Variants in PTPRN2 observed in about 807,000 individuals in gnomAD.
PTPRN2 encodes protein tyrosine phosphatase receptor type N2.
PTPRN2 carries 74 observed loss-of-function variants against 118.8 expected under a neutral mutation model. That is an observed-to-expected ratio of 0.62 (90% CI 0.52 to 0.76). PTPRN2 has a LOEUF of 0.76. PTPRN2 is among the 30% of genes least tolerant of loss of function. PTPRN2 has a pLI of 0.00. For synonymous variants in PTPRN2, 641 were observed against 608.0 expected, an observed-to-expected ratio of 1.05 and a Z score of -0.80; for missense variants, 1,481 against 1,394.4, an observed-to-expected ratio of 1.06 and a Z score of -0.99.
chr7:157,774,960 A>T (rs1371489255), intron 12 of PTPRN2, among the ~76,000 whole-genome samples: 3 of 152,216 alleles, frequency 2.0e-5, no homozygotes, highest in Non-Finnish European at 2.9e-5. Context: ...AGAGTCTCTG[A>T]AAGTTCTTGA....
chr7:158,553,585 C>T (rs1333216788), intron 1 of PTPRN2, among the ~76,000 whole-genome samples: 8 of 151,850 alleles, frequency 5.3e-5, no homozygotes, highest in Non-Finnish European at 1.0e-4. Flanking sequence ...TACCACCCTC[C>T]TTGTCTACAC....
chr7:157,669,179 C>G (rs1425793641), intron 13 of PTPRN2, among the ~76,000 whole-genome samples: 1 of 152,208 alleles, frequency 6.6e-6, no homozygotes, highest in East Asian at 1.9e-4. Flanking sequence ...GCCACGCTCA[C>G]TTCTGGAGAG....
chr7:157,995,606 C>T (rs763966865), intron 11 of PTPRN2, among the ~76,000 whole-genome samples: 5 of 152,380 alleles, frequency 3.3e-5, no homozygotes, highest in Middle Eastern at 3.4e-3. Context: ...TAGGATGGGG[C>T]CTTTCAGCCC....
chr7:157,727,345 C>T (rs2150930966), intron 12 of PTPRN2, among the ~76,000 whole-genome samples: 1 of 152,340 alleles, frequency 6.6e-6, no homozygotes, highest in Admixed American at 6.5e-5. Flanking sequence ...GTCCTGAGGA[C>T]ATGTGCCCAG....
chr7:157,842,697 C>A (rs1808521612), intron 12 of PTPRN2, among the ~76,000 whole-genome samples: 1 of 152,140 alleles, frequency 6.6e-6, no homozygotes, highest in Non-Finnish European at 1.5e-5. Flanking sequence ...ACTTTCTCAT[C>A]TGGCCTCACA....
At chr7:158,471,956 C>T (rs1035860054) in intron 2 of PTPRN2, among the ~76,000 whole-genome samples, 1 of 152,106 alleles carries the variant, frequency 6.6e-6, no homozygotes, top group Non-Finnish European at 1.5e-5. Flanking sequence ...GCCCACCTGA[C>T]TCCAATCATG....
intron 11 of PTPRN2, among the ~76,000 whole-genome samples, chr7:157,911,590 G>C (rs1296503853): frequency 1.3e-5 from 2 of 152,062 alleles, no homozygotes; most frequent in Non-Finnish European, 2.9e-5. Context: ...AGATACCAAA[G>C]AATATTATAA....
rs559531024 is a variant in PTPRN2 at position 157,758,569 on chromosome 7, G to A, written c.1789-75632C>T. Among the ~76,000 whole-genome samples the A allele has an allele frequency of 3.9e-5, 6 of 152,342 alleles. No homozygotes were observed. In the South Asian group the frequency reaches 1.2e-3, roughly 32 times the overall value. ...CGAGGCAGGTGGCAGCTGCTGTGCT[G>A]GGAAGGCTGCGTGCGCGGGGCATCC... On this transcript the variant is annotated intron_variant, in intron 12 of 22. Transcript: ENST00000389418.
chr7:158,035,992 C>T (rs1343112450), intron 11 of PTPRN2, among the ~76,000 whole-genome samples: 1 of 152,178 alleles, frequency 6.6e-6, no homozygotes, highest in Non-Finnish European at 1.5e-5. Context: ...TAGCCTGAGA[C>T]TTACTGGCAG....
intron 1 of PTPRN2, among the ~76,000 whole-genome samples, chr7:158,560,946 G>A (rs1015158451): frequency 6.6e-6 from 1 of 152,174 alleles, no homozygotes; most frequent in Non-Finnish European, 1.5e-5. Context: ...ACTGGGCATC[G>A]GTTGATTAAT....
At chr7:158,549,799 G>A (rs566735656) in intron 1 of PTPRN2, among the ~76,000 whole-genome samples, 1 of 152,376 alleles carries the variant, frequency 6.6e-6, no homozygotes, top group South Asian at 2.1e-4. Flanking sequence ...TGTCCCCAGA[G>A]GGCTGGCAAC....
intron 11 of PTPRN2, among the ~76,000 whole-genome samples, chr7:157,925,690 C>T (rs575640751): frequency 6.6e-6 from 1 of 152,220 alleles, no homozygotes; most frequent in South Asian, 2.1e-4. Context: ...AAAATGCAGA[C>T]CCTGATGCAG....
intron 6 of PTPRN2, among the ~76,000 whole-genome samples, chr7:158,142,841 G>A (rs1474899276): frequency 3.9e-5 from 6 of 152,296 alleles, no homozygotes; most frequent in Non-Finnish European, 8.8e-5. Context: ...CAGGTCAACG[G>A]CACCCATGCC....
chr7:158,458,356 GC>G (rs753127725), intron 2 of PTPRN2, among the ~76,000 whole-genome samples: 4 of 152,098 alleles, frequency 2.6e-5, no homozygotes, highest in Non-Finnish European at 4.4e-5. Flanking sequence ...TCGGCCCCCA[GC>G]TCCCAAAGCT....
At chr7:157,541,791 T>C (rs981848609) in intron 22 of PTPRN2, among the ~76,000 whole-genome samples, 2 of 152,234 alleles carry the variant, frequency 1.3e-5, no homozygotes, top group African/African-American at 4.8e-5. Context: ...GAATGTTTAG[T>C]GCATAACAGA....
chr7:157,962,516 T>G (rs1009157080), intron 11 of PTPRN2, among the ~76,000 whole-genome samples: 10 of 152,184 alleles, frequency 6.6e-5, no homozygotes, highest in African/African-American at 2.4e-4. Flanking sequence ...GGTGCTTAGT[T>G]TTTACACTAT....
rs1038463769 is a variant in PTPRN2 at position 158,441,068 on chromosome 7, A to G, written c.163+48667T>C. Among the ~76,000 whole-genome samples, 67 of 85,880 alleles carry G rather than the reference A, an allele frequency of 7.8e-4. 1 individual carries two copies. The highest frequency in any genetic ancestry group is 1.3e-3 in the Non-Finnish European group (52 of 41,460). The allele number at this position is 85,880 out of a possible 152,430, so 56.3% of individuals were successfully genotyped here. A position where few individuals can be genotyped will look rare whatever the true frequency, so the allele number is the denominator to read the frequency against. ...TGATGGTGGTAGTGATGGGGGTGGT[A>G]GTGATGGTGGTGCTGGTGGTAGTGA... On this transcript the variant is annotated intron_variant, in intron 2 of 22. Transcript: ENST00000389418.
At chr7:157,718,809 T>TCCATGGCCCCAGGGTGAGTC (rs1431134284) in intron 12 of PTPRN2, among the ~76,000 whole-genome samples, 1 of 152,052 alleles carries the variant, frequency 6.6e-6, no homozygotes, top group African/African-American at 2.4e-5. Flanking sequence ...GCAGCCACTC[T>TCCATGGCCCCAGGGTGAGTC]TGGTTTCTCA....
chr7:157,755,184 C>A (rs1585387329), intron 12 of PTPRN2, among the ~76,000 whole-genome samples: 1 of 152,268 alleles, frequency 6.6e-6, no homozygotes, highest in East Asian at 1.9e-4. Flanking sequence ...CACACCCAGA[C>A]AATATTATAA....
Sources: gnomAD v4.1 joint callset for allele counts (sites outside exome capture counted in the v4.1 genomes callset) on GRCh38, gnomAD v4.1.1 for gene constraint, MANE v1.5 for transcripts, NCBI Gene and HGNC (gene_info 2026-07-23, HGNC 2026-07-21) for gene names.